The following NUCB1 variants were observed in gnomAD, a reference collection of about 807,000 sequenced individuals.
The protein encoded by NUCB1 is nucleobindin 1, also known as nucleobindin-1.
A neutral mutation model predicts 61.2 loss-of-function variants in NUCB1; 47 were observed. That is an observed-to-expected ratio of 0.77 (90% CI 0.61 to 0.98). The LOEUF (loss-of-function observed/expected upper bound fraction) is 0.98, where lower values mean the gene tolerates loss of function less well. Among genes scored for constraint, NUCB1 ranks in the 50% least tolerant of loss-of-function variants. The pLI, the probability that NUCB1 is intolerant of heterozygous loss-of-function variation, is 0.00. For synonymous variants in NUCB1, 234 were observed against 243.1 expected (o/e 0.96, Z 0.35); for missense variants, 583 against 605.3 (o/e 0.96, Z 0.39).
At chr19:48,919,385 C>G (rs2037580681) in intron 10 of NUCB1, 99 bp downstream of exon 10, 2 of 831,194 alleles carry the variant, frequency 2.4e-6, no homozygotes, top group Non-Finnish European at 3.8e-6. Context: ...TCTCTGGGTC[C>G]CCGTCCATTC....
intron 2 of NUCB1, among the ~76,000 whole-genome samples, chr19:48,904,071 G>A (rs1309065458): frequency 6.6e-6 from 1 of 151,500 alleles, no homozygotes; most frequent in African/African-American, 2.4e-5. Flanking sequence ...GGATGAATGG[G>A]TGGATGCATG....
chr19:48,918,624 C>T lies in NUCB1; in HGVS notation c.758-102C>T, dbSNP rs1204258575. 5 of 891,050 alleles carry T rather than the reference C, an allele frequency of 5.6e-6. 1 individual carries two copies. Among genetic ancestry groups the T allele is most frequent in the South Asian group, 1.3e-5 (1 of 74,592 alleles). 55.2% of individuals were successfully genotyped at this position (891,050 alleles called of 1,614,324 possible). A position where few individuals can be genotyped will look rare whatever the true frequency, so the allele number is the denominator to read the frequency against. ...CGCGGGAGACCCGTAGTTACCTGTC[C>T]TCTGATAACAGACCCCACATCAGCC... On this transcript the variant is annotated intron_variant, in intron 7 of 12. Coordinates refer to ENST00000405315, the MANE Select transcript of NUCB1 (RefSeq NM_006184.6).
In NUCB1 at chr19:48,915,412, C is replaced by T. The variant is rs374145384; in HGVS notation, c.757+1848C>T. 3.2e-3 allele frequency among the ~76,000 whole-genome samples: 487 copies of T among 152,224 alleles called. 2 individuals are homozygous for T. The highest frequency in any genetic ancestry group is 0.011 in the African/African-American group (456 of 41,532). On this transcript the variant is annotated intron_variant, in intron 7 of 12. Coordinates refer to ENST00000405315, the MANE Select transcript of NUCB1 (RefSeq NM_006184.6). ...ACTCAGGAGGCTGAGGTAGGAGAAT[C>T]GCTTGAACCCGGGAGGCGGAAGGCG...
chr19:48,918,457 G>GTC, intron 7 of NUCB1: 5 of 441,432 alleles, frequency 1.1e-5, no homozygotes, highest in Middle Eastern at 6.1e-4. Flanking sequence ...GCCAGGGCCA[G>GTC]AGAATCCTGC....
At chr19:48,918,965 A>G in intron 8 of NUCB1, 65 bp from the exon 9 acceptor site, 1 of 1,513,326 alleles carries the variant, frequency 6.6e-7, no homozygotes, top group Non-Finnish European at 9.1e-7. Context: ...CTGGGAGTTG[A>G]AGTTGTCGGG....
At chr19:48,905,351 C>T (rs1211655034) in intron 3 of NUCB1, among the ~76,000 whole-genome samples, 1 of 152,142 alleles carries the variant, frequency 6.6e-6, no homozygotes. Flanking sequence ...ACTGAACCCT[C>T]GTATCAGGAT....
Position 48,922,574 on chromosome 19 carries a change from A to T in NUCB1, c.*150A>T. On this transcript the variant is annotated 3_prime_UTR_variant, in exon 13 of 13. Transcript: ENST00000405315. ...GCCTGGCATTTCACGCATTGCTGCC[A>T]CCCCAGGTCCACCTGTCTCCACTTT... 1 of 631,206 alleles carries T rather than the reference A, an allele frequency of 1.6e-6. No homozygotes were observed. The allele number at this position is 631,206 out of a possible 1,614,324, so 39.1% of individuals were successfully genotyped here. A position where few individuals can be genotyped will look rare whatever the true frequency, so the allele number is the denominator to read the frequency against.
At chr19:48,908,697 G>C (rs1233589751) in intron 4 of NUCB1, among the ~76,000 whole-genome samples, 3 of 136,004 alleles carry the variant, frequency 2.2e-5, no homozygotes, top group Non-Finnish European at 4.8e-5. Flanking sequence ...GTGTGTGTGT[G>C]TCTTTCTGCC....
chr19:48,919,191 C>T lies in NUCB1; in HGVS notation c.910-3C>T, dbSNP rs2037577526. 6.2e-7 allele frequency: 1 copy of T among 1,614,084 alleles called. No homozygotes were observed. Among genetic ancestry groups the T allele is most frequent in the Middle Eastern group, 1.6e-4 (1 of 6,062 alleles). On this transcript the variant is annotated splice_region_variant and splice_polypyrimidine_tract_variant and intron_variant, in intron 9 of 12. Coordinates refer to ENST00000405315, the MANE Select transcript of NUCB1 (RefSeq NM_006184.6). ...TGTCACTCACCCTTATCTGGCTCCCCAGGTGGACACCAACCAGGACCGCCT... is the reference window on the plus strand; with the variant it reads ...TGTCACTCACCCTTATCTGGCTCCCTAGGTGGACACCAACCAGGACCGCCT...
chr19:48,908,648 C>CGT (rs58211997), intron 4 of NUCB1, among the ~76,000 whole-genome samples: 10,270 of 86,366 alleles, frequency 0.12, 746 homozygotes, highest in Middle Eastern at 0.14. Context: ...TCTAGCTGCC[C>CGT]GTGTGTGTGT....
At chr19:48,901,848 G>A (rs528787096) in intron 2 of NUCB1, among the ~76,000 whole-genome samples, 4 of 152,280 alleles carry the variant, frequency 2.6e-5, no homozygotes, top group Admixed American at 1.3e-4. Flanking sequence ...TGGTCCCCAC[G>A]CTGCAAGTTA....
chr19:48,907,460 A>T lies in NUCB1; in HGVS notation c.376+1575A>T, dbSNP rs192036812. Among the ~76,000 whole-genome samples, 6 of 151,052 alleles carry T rather than the reference A, an allele frequency of 4.0e-5. No individual in the cohort carries two copies. In the East Asian group the frequency reaches 1.2e-3, roughly 29 times the overall value. Reference sequence around the variant, plus strand: ...CTGGCTAATTTTGTATTTTTAGTAGATACTTGATTTTGCCATGTTGGCCAG... The same window carrying T: ...CTGGCTAATTTTGTATTTTTAGTAGTTACTTGATTTTGCCATGTTGGCCAG... On this transcript the variant is annotated intron_variant, in intron 4 of 12. Coordinates refer to ENST00000405315, the MANE Select transcript of NUCB1 (RefSeq NM_006184.6).
At chr19:48,921,438 G>A in intron 11 of NUCB1, 114 bp downstream of exon 11, 1 of 1,206,092 alleles carries the variant, frequency 8.3e-7, no homozygotes, top group South Asian at 1.3e-5. Context: ...ATCACTGGGG[G>A]AGCCTCAAGT....
At chr19:48,901,146 C>T (rs2037350336) in intron 2 of NUCB1, 3 of 619,812 alleles carry the variant, frequency 4.8e-6, no homozygotes, top group Non-Finnish European at 8.8e-6. Context: ...CATCACGCCC[C>T]AACTAAACGT....
chr19:48,900,919 G>T lies in NUCB1; in HGVS notation c.123G>T (p.Ala41=). 1 of 1,613,880 alleles carries T rather than the reference G, an allele frequency of 6.2e-7. No homozygotes were observed. Among genetic ancestry groups the T allele is most frequent in the Non-Finnish European group, 8.5e-7 (1 of 1,180,018 alleles). The change falls in exon 2 of 13, where the codon GCG becomes GCT. Residue 41 remains alanine, a synonymous_variant. Transcript: ENST00000405315. The part of the protein sequence containing the change: ...RGAPNKEETP[A]TESPDTGLYY... ...CGCCCAACAAGGAGGAGACCCCTGC[G>T]ACTGAGAGTCCCGTGAGTGGCCCTG...
In NUCB1 at chr19:48,905,763, T is replaced by TG. The variant is rs2037403503; in HGVS notation, c.255dup (p.Ser86GlufsTer17). On this transcript the variant is annotated frameshift_variant, in exon 4 of 13. Transcript: ENST00000405315. LOFTEE classifies it high-confidence loss of function. ...CTCCTCTCCTGTCAGAGCGGGAAGC[T>TG]GAGCCGAGAGCTGGACTTTGTCAGC... 6.2e-7 allele frequency: 1 copy of TG among 1,613,940 alleles called. No individual in the cohort carries two copies. Among genetic ancestry groups the TG allele is most frequent in the Admixed American group, 1.7e-5 (1 of 59,996 alleles).
At chr19:48,911,525 C>A (rs1273935887) in intron 5 of NUCB1, among the ~76,000 whole-genome samples, 1 of 151,742 alleles carries the variant, frequency 6.6e-6, no homozygotes, top group Non-Finnish European at 1.5e-5. Context: ...CCTGCCTCAG[C>A]CTCCCGAGTA....
At chr19:48,910,973 A>T (rs1296717248) in intron 4 of NUCB1, 176 bp from the exon 5 acceptor site, 3 of 569,786 alleles carry the variant, frequency 5.3e-6, no homozygotes, top group Non-Finnish European at 6.3e-6. Context: ...TATTGTAAGC[A>T]TCAGACTCAG....
chr19:48,902,125 G>C (rs371040308), intron 2 of NUCB1, among the ~76,000 whole-genome samples: 1 of 152,084 alleles, frequency 6.6e-6, no homozygotes, highest in African/African-American at 2.4e-5. Context: ...CGTGAGTTGA[G>C]TTCTTTCTTT....
Sources: gnomAD v4.1 joint callset for allele counts (sites outside exome capture counted in the v4.1 genomes callset) on GRCh38, gnomAD v4.1.1 for gene constraint, MANE v1.5 for transcripts, NCBI Gene and HGNC (gene_info 2026-07-23, HGNC 2026-07-21) for gene names.